The following CWC27 variants were observed in gnomAD, a reference collection of about 807,000 sequenced individuals.
CWC27 encodes the protein CWC27 spliceosome associated cyclophilin, also known as spliceosome-associated protein CWC27 homolog.
CWC27 carries 47 observed loss-of-function variants against 63.6 expected under a neutral mutation model. The observed-to-expected ratio is 0.74, with a 90% confidence interval of 0.58 to 0.94. CWC27 has a LOEUF of 0.94. Ranked by LOEUF, CWC27 falls within the 40% of genes least tolerant of loss-of-function variation. CWC27 has a pLI of 0.00. For missense variants in CWC27, 495 were observed against 554.3 expected, an observed-to-expected ratio of 0.89 and a Z score of 1.07; for synonymous variants, 175 against 179.8, an observed-to-expected ratio of 0.97 and a Z score of 0.22.
chr5:64,862,177 C>G (rs1431430357), intron 10 of CWC27, among the ~76,000 whole-genome samples: 1 of 152,166 alleles, frequency 6.6e-6, no homozygotes, highest in Non-Finnish European at 1.5e-5. Context: ...GGCCAAAGAG[C>G]CAGGCTGAGT....
Position 64,989,446 on chromosome 5 carries a change from T to C in CWC27, c.1256+12208T>C, listed in dbSNP as rs149246286. ...CAAATTTTTTTCTTTAAAAAAAGAT[T>C]TCTTAATAGTTGGCAATGAATTGCT... is the stretch of plus-strand genomic sequence containing the variant. On this transcript the variant is annotated intron_variant, in intron 13 of 13. Coordinates refer to ENST00000381070, the MANE Select transcript of CWC27 (RefSeq NM_005869.4). Among the ~76,000 whole-genome samples the C allele has an allele frequency of 6.6e-3, 1,010 of 152,346 alleles. 7 individuals are homozygous for C. The highest frequency in any genetic ancestry group is 0.01 in the Non-Finnish European group (686 of 68,028).
At chr5:65,012,436 T>C (rs1324211990) in intron 13 of CWC27, among the ~76,000 whole-genome samples, 1 of 152,232 alleles carries the variant, frequency 6.6e-6, no homozygotes, top group Non-Finnish European at 1.5e-5. Context: ...CAGCGAGTGC[T>C]ATTTTTGTTG....
At chr5:64,846,719 C>T (rs1413132940) in intron 10 of CWC27, among the ~76,000 whole-genome samples, 1 of 151,870 alleles carries the variant, frequency 6.6e-6, no homozygotes, top group Non-Finnish European at 1.5e-5. Context: ...ATAGGCCGGG[C>T]ACAGTGGCTC....
intron 10 of CWC27, among the ~76,000 whole-genome samples, chr5:64,849,792 T>G (rs1215193257): frequency 6.6e-6 from 1 of 152,046 alleles, no homozygotes; most frequent in Non-Finnish European, 1.5e-5. Context: ...TAAAAGTGTG[T>G]GGCAGTTCTC....
chr5:64,982,094 ACTACCAG>A (rs1749339454), intron 13 of CWC27, among the ~76,000 whole-genome samples: 1 of 152,210 alleles, frequency 6.6e-6, no homozygotes, highest in African/African-American at 2.4e-5. Context: ...AGAAGCAACA[ACTACCAG>A]CTGTCTGTAT....
intron 10 of CWC27, among the ~76,000 whole-genome samples, chr5:64,880,293 A>G (rs1016816127): frequency 3.3e-5 from 5 of 152,136 alleles, no homozygotes; most frequent in East Asian, 1.9e-4. Context: ...CCATGAAACA[A>G]CATGGAAAGA....
intron 11 of CWC27, among the ~76,000 whole-genome samples, chr5:64,955,479 C>G (rs1455959738): frequency 6.6e-6 from 1 of 152,122 alleles, no homozygotes; most frequent in Non-Finnish European, 1.5e-5. Flanking sequence ...AGCTGTATGC[C>G]AGAATCAGCA....
At chr5:64,883,997 A>G (rs898827240) in intron 10 of CWC27, among the ~76,000 whole-genome samples, 4 of 152,174 alleles carry the variant, frequency 2.6e-5, no homozygotes, top group Admixed American at 6.5e-5. Flanking sequence ...TTTCCAGGCA[A>G]CATTCCACAT....
intron 10 of CWC27, among the ~76,000 whole-genome samples, chr5:64,846,450 G>A (rs1745982220): frequency 6.6e-6 from 1 of 152,196 alleles, no homozygotes; most frequent in African/African-American, 2.4e-5. Context: ...ATTGTTGTAT[G>A]CAAAGTTAAG....
chr5:64,940,842 C>CTTTTTTTTTT (rs70983655), intron 11 of CWC27, among the ~76,000 whole-genome samples: 6 of 64,978 alleles, frequency 9.2e-5, no homozygotes, highest in Non-Finnish European at 1.2e-4. Context: ...TTCTTTCTTT[C>CTTTTTTTTTT]TTTTTTTTTT....
intron 10 of CWC27, among the ~76,000 whole-genome samples, chr5:64,858,249 G>A (rs1470728239): frequency 6.7e-6 from 1 of 149,342 alleles, no homozygotes; most frequent in African/African-American, 2.5e-5. Context: ...CACGAGGTCA[G>A]GAGATCGAGA....
chr5:64,998,194 G>A (rs1214384441), intron 13 of CWC27, among the ~76,000 whole-genome samples: 4 of 152,112 alleles, frequency 2.6e-5, no homozygotes, highest in Non-Finnish European at 5.9e-5. Context: ...TGCTTTGTTT[G>A]TGGATCTGTT....
At chr5:64,992,773 T>A (rs1224526325) in intron 13 of CWC27, among the ~76,000 whole-genome samples, 8 of 151,888 alleles carry the variant, frequency 5.3e-5, no homozygotes, top group Non-Finnish European at 4.4e-5. Flanking sequence ...GACCTCATGA[T>A]CCACCTGCCT....
At chr5:64,794,469 C>T (rs960416871) in intron 7 of CWC27, among the ~76,000 whole-genome samples, 2 of 151,976 alleles carry the variant, frequency 1.3e-5, no homozygotes, top group Non-Finnish European at 2.9e-5. Context: ...AGAATAAGAT[C>T]TCTGGAATAA....
At chr5:64,975,356 T>G (rs572920767) in intron 12 of CWC27, among the ~76,000 whole-genome samples, 9 of 152,320 alleles carry the variant, frequency 5.9e-5, no homozygotes, top group African/African-American at 2.2e-4. Context: ...ATACCAGTTA[T>G]TCACATGTTG....
chr5:64,864,177 A>T (rs1401113887), intron 10 of CWC27, among the ~76,000 whole-genome samples: 2 of 152,180 alleles, frequency 1.3e-5, no homozygotes, highest in Non-Finnish European at 2.9e-5. Context: ...TTTATCTTTT[A>T]TGAGTATTAT....
rs199652178 is a variant in CWC27, at chr5:64,912,872, A to G, written c.1042+27326A>G. Among the ~76,000 whole-genome samples, 4 of 152,272 alleles carry G rather than the reference A, an allele frequency of 2.6e-5. No individual in the cohort carries two copies. In the East Asian group the frequency reaches 7.7e-4, roughly 29 times the overall value. ...CCCAAATAACACCAGTCTTACAGAAACTCATCCAGAGAATAGGAAAAGAGC... is the reference window on the plus strand; with the variant it reads ...CCCAAATAACACCAGTCTTACAGAAGCTCATCCAGAGAATAGGAAAAGAGC... On this transcript the variant is annotated intron_variant, in intron 11 of 13. Coordinates refer to ENST00000381070, the MANE Select transcript of CWC27 (RefSeq NM_005869.4).
intron 13 of CWC27, among the ~76,000 whole-genome samples, chr5:64,987,278 T>C (rs962250185): frequency 1.3e-5 from 2 of 152,166 alleles, no homozygotes; most frequent in African/African-American, 4.8e-5. Flanking sequence ...ACAATATACT[T>C]TTTAAACTTT....
At chr5:64,896,926 A>G (rs1441991912) in intron 11 of CWC27, among the ~76,000 whole-genome samples, 2 of 152,170 alleles carry the variant, frequency 1.3e-5, no homozygotes, top group East Asian at 3.8e-4. Flanking sequence ...ATATTGGACA[A>G]TCAAGCCGCG....
Sources: allele counts gnomAD v4.1 joint callset (sites outside exome capture counted in the v4.1 genomes callset), GRCh38; gene constraint gnomAD v4.1.1; transcripts MANE v1.5; gene names NCBI Gene and HGNC (gene_info 2026-07-23, HGNC 2026-07-21).